The following XXYLT1 variants were observed in gnomAD, a reference collection of about 807,000 sequenced individuals.
XXYLT1 encodes the protein xyloside xylosyltransferase 1, also known as UDP-xylose:alpha-xyloside alpha-1,3-xylosyltransferase.
XXYLT1 carries 20 observed loss-of-function variants against 28.9 expected under a neutral mutation model. The ratio of observed to expected loss-of-function variants is 0.69; its 90% CI spans 0.49 to 1.00. The LOEUF is 1.00. XXYLT1 is among the 50% of genes least tolerant of loss of function. The pLI, the probability that XXYLT1 is intolerant of heterozygous loss-of-function variation, is 0.00. For synonymous variants in XXYLT1, 257 were observed against 253.8 expected (o/e 1.01, Z -0.12); for missense variants, 542 against 560.1 (o/e 0.97, Z 0.33).
chr3:195,219,002 A>C (rs1442003886), intron 2 of XXYLT1, among the ~76,000 whole-genome samples: 13 of 152,194 alleles, frequency 8.5e-5, no homozygotes, highest in South Asian at 4.1e-4. Flanking sequence ...ATGATGAGTT[A>C]ATGTCCTTTG....
Position 195,240,629 on chromosome 3 carries a change from C to T in XXYLT1, c.505-13773G>A, listed in dbSNP as rs1203366130. Among the ~76,000 whole-genome samples, 3 of 152,264 alleles carry T rather than the reference C, an allele frequency of 2.0e-5. No homozygotes were observed. The highest frequency in any genetic ancestry group is 1.3e-4 in the Admixed American group (2 of 15,292). On this transcript the variant is annotated intron_variant, in intron 1 of 3. Transcript: ENST00000310380. This position sits in a 1 kb window ranked among gnomAD's most constrained non-coding sequence, Gnocchi z 4.7. Reference sequence around the variant, plus strand: ...GAACAGCCACTCCTCTGGCCACAGACAGCAACGCCACAGGTCGGCCGGAGG... The same window carrying T: ...GAACAGCCACTCCTCTGGCCACAGATAGCAACGCCACAGGTCGGCCGGAGG...
chr3:195,194,555 C>T (rs1165591565), intron 2 of XXYLT1, among the ~76,000 whole-genome samples: 1 of 152,162 alleles, frequency 6.6e-6, no homozygotes, highest in East Asian at 1.9e-4. Flanking sequence ...AGCAATTCTA[C>T]TCCTAGGAAT....
chr3:195,073,189 C>T (rs963625023), intron 3 of XXYLT1, among the ~76,000 whole-genome samples: 4 of 152,186 alleles, frequency 2.6e-5, no homozygotes, highest in African/African-American at 4.8e-5. Context: ...CAAGGAGGTG[C>T]GCTTGGATTT....
chr3:195,108,802 C>T (rs1050090846), intron 3 of XXYLT1, among the ~76,000 whole-genome samples: 1 of 152,154 alleles, frequency 6.6e-6, no homozygotes, highest in Non-Finnish European at 1.5e-5. Flanking sequence ...CATATATTGA[C>T]CAAAATGTTA....
intron 3 of XXYLT1, among the ~76,000 whole-genome samples, chr3:195,089,113 T>C (rs1411725714): frequency 3.3e-5 from 5 of 150,240 alleles, no homozygotes; most frequent in African/African-American, 1.2e-4. Flanking sequence ...CAGGATATTA[T>C]CCAGGAGAAC....
At chr3:195,164,218 G>A (rs149165832) in intron 2 of XXYLT1, among the ~76,000 whole-genome samples, 50 of 152,320 alleles carry the variant, frequency 3.3e-4, no homozygotes, top group Non-Finnish European at 6.0e-4. Flanking sequence ...GTGTTGCTAC[G>A]GTCACATGGT....
intron 2 of XXYLT1, among the ~76,000 whole-genome samples, chr3:195,192,190 A>C (rs551586666): frequency 1.3e-5 from 2 of 152,326 alleles, no homozygotes; most frequent in Non-Finnish European, 2.9e-5. Flanking sequence ...TGGGAGGCTG[A>C]GGCAGGTGGA....
chr3:195,159,780 A>G (rs1283307375), intron 2 of XXYLT1, among the ~76,000 whole-genome samples: 1 of 152,146 alleles, frequency 6.6e-6, no homozygotes, highest in African/African-American at 2.4e-5. Flanking sequence ...GTACAATTAC[A>G]CCACAGAGGG....
intron 3 of XXYLT1, among the ~76,000 whole-genome samples, chr3:195,108,132 C>A (rs1000495219): frequency 6.6e-6 from 1 of 152,210 alleles, no homozygotes; most frequent in Non-Finnish European, 1.5e-5. Context: ...GCAGAGGCAA[C>A]CCTGGGTCAC....
intron 3 of XXYLT1, chr3:195,146,996 T>C (rs2108659324): frequency 6.5e-6 from 1 of 153,876 alleles, no homozygotes; most frequent in Non-Finnish European, 1.5e-5. Flanking sequence ...CAGGCTACCA[T>C]GCCCAGCTGA....
rs199897126 is a variant in XXYLT1, at chr3:195,226,783, C to T, written c.578G>A (p.Ser193Asn). Reference sequence around the variant, plus strand: ...ACTGTAGTAGGTTCCCAAGCCAGCACTGAAGTGCTTCTGCATGGCCTCCAC... The same window carrying T: ...ACTGTAGTAGGTTCCCAAGCCAGCATTGAAGTGCTTCTGCATGGCCTCCAC... ...PIVEAMQKHFSAGLGTYYSDS... is the reference protein window; with the variant it reads ...PIVEAMQKHFNAGLGTYYSDS... Residue 193 changes from serine to asparagine, a missense_variant, in exon 2 of 4, where the codon AGT (serine) becomes AAT (asparagine). By Grantham distance (46) the Ser-to-Asn change is conservative. Coordinates refer to ENST00000310380, the MANE Select transcript of XXYLT1 (RefSeq NM_152531.5). The T allele has an allele frequency of 8.1e-5, 131 of 1,613,656 alleles. No individual in the cohort carries two copies. The highest frequency in any genetic ancestry group is 7.0e-5 in the Non-Finnish European group (83 of 1,179,996).
At chr3:195,246,055 A>C (rs1286847341) in intron 1 of XXYLT1, among the ~76,000 whole-genome samples, 1 of 152,200 alleles carries the variant, frequency 6.6e-6, no homozygotes, top group African/African-American at 2.4e-5. Flanking sequence ...ACACAACCAC[A>C]CACACACCTG....
At chr3:195,156,635 G>A (rs775922775) in intron 2 of XXYLT1, 54 bp from the exon 3 acceptor site, 55 of 1,591,810 alleles carry the variant, frequency 3.5e-5, no homozygotes, top group Middle Eastern at 1.7e-4. Flanking sequence ...TGGGAGGCTC[G>A]GCCACGGACA....
At chr3:195,204,332 ACT>A (rs1489240616) in intron 2 of XXYLT1, among the ~76,000 whole-genome samples, 2 of 150,150 alleles carry the variant, frequency 1.3e-5, no homozygotes, top group Non-Finnish European at 3.0e-5. Flanking sequence ...ACAGAGCAAG[ACT>A]CTGTCTCAAA....
chr3:195,200,220 C>T (rs545157340), intron 2 of XXYLT1, among the ~76,000 whole-genome samples: 13 of 152,202 alleles, frequency 8.5e-5, no homozygotes, highest in Admixed American at 1.3e-4. Context: ...TCTGGAAAGC[C>T]GTGAAGCAGC....
At position 195,077,239 on chromosome 3, in the gene XXYLT1, G is replaced by A. The variant is rs6789088; in HGVS notation, c.786-7128C>T. Among the ~76,000 whole-genome samples, 1,442 of 152,248 alleles carry A rather than the reference G, an allele frequency of 9.5e-3. 18 individuals carry two copies. Among genetic ancestry groups the A allele is most frequent in the African/African-American group, 0.033 (1,380 of 41,528 alleles). On this transcript the variant is annotated intron_variant, in intron 3 of 3. Transcript: ENST00000310380. The surrounding 1 kb of genome is among the most constrained non-coding windows in gnomAD (Gnocchi z 4.8). ...AGCAGAGGGATGGGAGATGATGTAG[G>A]GGGCGGCACGGGGACCCCAGCAGAG...
intron 3 of XXYLT1, chr3:195,122,282 A>G: frequency 1.5e-6 from 1 of 662,496 alleles, no homozygotes; most frequent in Non-Finnish European, 2.7e-6. Flanking sequence ...GGGGGATACA[A>G]TTATTCAGTC....
At chr3:195,118,702 A>C (rs1718175854) in intron 3 of XXYLT1, among the ~76,000 whole-genome samples, 1 of 152,228 alleles carries the variant, frequency 6.6e-6, no homozygotes, top group African/African-American at 2.4e-5. Context: ...TGGTGAGTTA[A>C]ATCTCATTAA....
chr3:195,217,948 A>G (rs2108789895), intron 2 of XXYLT1, among the ~76,000 whole-genome samples: 1 of 149,702 alleles, frequency 6.7e-6, no homozygotes, highest in East Asian at 2.0e-4. Flanking sequence ...ACAGCATGGT[A>G]CTGGTACCAA....
Sources: gnomAD v4.1 joint callset for allele counts (sites outside exome capture counted in the v4.1 genomes callset) on GRCh38, gnomAD v4.1.1 for gene constraint, Gnocchi (gnomAD v3.1) non-coding constraint, MANE v1.5 for transcripts, NCBI Gene and HGNC (gene_info 2026-07-23, HGNC 2026-07-21) for gene names.